The following ZC3H3 variants were observed in gnomAD, a reference collection of about 807,000 sequenced individuals.
ZC3H3 encodes zinc finger CCCH domain-containing protein 3.
Under a neutral mutation model 77.3 loss-of-function variants are expected in ZC3H3, and 36 were observed. That is an observed-to-expected ratio of 0.47 (90% CI 0.36 to 0.61). The LOEUF (loss-of-function observed/expected upper bound fraction) is 0.61. Among genes scored for constraint, ZC3H3 ranks in the 20% least tolerant of loss-of-function variants. ZC3H3 has a pLI of 0.00. For synonymous variants in ZC3H3, 626 were observed against 555.2 expected, an observed-to-expected ratio of 1.13 and a Z score of -1.79; for missense variants, 1,331 against 1,312.2, an observed-to-expected ratio of 1.01 and a Z score of -0.22.
At chr8:143,529,191 C>T (rs1822518365) in intron 3 of ZC3H3, among the ~76,000 whole-genome samples, 2 of 152,166 alleles carry the variant, frequency 1.3e-5, no homozygotes, top group Admixed American at 6.5e-5. Context: ...CGAGAGAAAG[C>T]GGTTGGGTTT....
intron 1 of ZC3H3, among the ~76,000 whole-genome samples, chr8:143,540,521 C>A (rs952504323): frequency 6.6e-6 from 1 of 152,168 alleles, no homozygotes; most frequent in South Asian, 2.1e-4. Context: ...TGGGCCACTG[C>A]GTCCGAACAT....
intron 4 of ZC3H3, among the ~76,000 whole-genome samples, chr8:143,479,107 A>G (rs527821526): frequency 6.6e-6 from 1 of 152,346 alleles, no homozygotes; most frequent in East Asian, 1.9e-4. Context: ...CATTCCGAGA[A>G]GCTGCATCCT....
intron 3 of ZC3H3, among the ~76,000 whole-genome samples, chr8:143,514,731 G>A (rs894471183): frequency 3.9e-5 from 6 of 152,204 alleles, no homozygotes; most frequent in Admixed American, 2.0e-4. Context: ...CCGCCTGGAC[G>A]TTCACCTGCG....
chr8:143,504,078 C>A (rs542853392), intron 4 of ZC3H3, among the ~76,000 whole-genome samples: 1 of 147,116 alleles, frequency 6.8e-6, no homozygotes, highest in South Asian at 2.2e-4. Context: ...CTCCTTCCCT[C>A]GGGCTGCAGG....
At chr8:143,478,663 A>C (rs538396222) in intron 4 of ZC3H3, among the ~76,000 whole-genome samples, 13 of 152,212 alleles carry the variant, frequency 8.5e-5, no homozygotes, top group East Asian at 7.7e-4. Flanking sequence ...GCATGTGCCA[A>C]CACGCCCGGC....
At chr8:143,448,339 T>C (rs1819909985) in intron 9 of ZC3H3, among the ~76,000 whole-genome samples, 1 of 151,678 alleles carries the variant, frequency 6.6e-6, no homozygotes, top group Admixed American at 6.6e-5. Context: ...AAGTCCTTTC[T>C]ACCTATGAAC....
intron 5 of ZC3H3, among the ~76,000 whole-genome samples, chr8:143,469,998 T>G (rs1389307472): frequency 2.0e-5 from 3 of 152,144 alleles, no homozygotes; most frequent in Non-Finnish European, 2.9e-5. Context: ...CAGCCCCAAA[T>G]AGCCAGACCT....
intron 3 of ZC3H3, among the ~76,000 whole-genome samples, chr8:143,510,082 CTGGCAGT>C: frequency 6.6e-6 from 1 of 152,352 alleles, no homozygotes; most frequent in Non-Finnish European, 1.5e-5. Flanking sequence ...CTGCGCAGTG[CTGGCAGT>C]GGTCAGGTCA....
At chr8:143,523,322 A>G (rs1822309602) in intron 3 of ZC3H3, 1 of 985,440 alleles carries the variant, frequency 1.0e-6, no homozygotes. Flanking sequence ...GCTCACCTGC[A>G]GCGCCAGCGG....
Position 143,460,763 on chromosome 8 carries a change from G to A in ZC3H3, c.2307+4954C>T, listed in dbSNP as rs557335025. 4.6e-4 allele frequency among the ~76,000 whole-genome samples: 70 copies of A among 152,268 alleles called. No homozygotes were observed. The highest frequency in any genetic ancestry group is 3.4e-3 in the Middle Eastern group (1 of 290). On this transcript the variant is annotated intron_variant, in intron 9 of 11. Transcript: ENST00000262577. This position sits in a 1 kb window ranked among gnomAD's most constrained non-coding sequence, Gnocchi z 4.0. ...GTGTGAACCCTGGAAACATTATGCC[G>A]GGTGAAAGATGCCAGACACCAAAGG...
chr8:143,492,742 C>T (rs112723465), intron 4 of ZC3H3, among the ~76,000 whole-genome samples: 6 of 99,428 alleles, frequency 6.0e-5, no homozygotes, highest in Non-Finnish European at 8.8e-5. Flanking sequence ...CCTCCTCAGG[C>T]TCCCGTGTCC....
chr8:143,520,963 G>A (rs1056308585), intron 3 of ZC3H3, among the ~76,000 whole-genome samples: 1 of 152,192 alleles, frequency 6.6e-6, no homozygotes, highest in Non-Finnish European at 1.5e-5. Context: ...AGGGGATCAG[G>A]CTTCATAGCA....
chr8:143,463,276 C>T (rs998670579), intron 9 of ZC3H3, among the ~76,000 whole-genome samples: 3 of 151,732 alleles, frequency 2.0e-5, no homozygotes, highest in East Asian at 1.9e-4. Context: ...TGAGCCACCG[C>T]GCCCGGCCCA....
intron 4 of ZC3H3, among the ~76,000 whole-genome samples, chr8:143,491,324 C>T (rs1563857815): frequency 6.6e-6 from 1 of 152,258 alleles, no homozygotes; most frequent in African/African-American, 2.4e-5. Context: ...CCCTGCGATG[C>T]CACTGCCGGC....
chr8:143,513,049 C>A (rs982352968), intron 3 of ZC3H3, among the ~76,000 whole-genome samples: 5 of 149,004 alleles, frequency 3.4e-5, no homozygotes, highest in South Asian at 4.3e-4. Context: ...GGTGCCCAGG[C>A]GCTGTGGGGA....
chr8:143,511,623 A>AT (rs1436615115), intron 3 of ZC3H3, among the ~76,000 whole-genome samples: 11 of 152,008 alleles, frequency 7.2e-5, no homozygotes, highest in Non-Finnish European at 1.2e-4. Flanking sequence ...TGCTGATGGG[A>AT]GGGTCCATCA....
intron 4 of ZC3H3, among the ~76,000 whole-genome samples, chr8:143,502,570 T>G (rs1821558410): frequency 6.6e-6 from 1 of 152,250 alleles, no homozygotes; most frequent in Non-Finnish European, 1.5e-5. Flanking sequence ...CAGGACCATT[T>G]GTAGTCAGAT....
At chr8:143,510,555 AGAAAGTCAGGC>A in intron 3 of ZC3H3, among the ~76,000 whole-genome samples, 1 of 152,334 alleles carries the variant, frequency 6.6e-6, no homozygotes, top group South Asian at 2.1e-4. Flanking sequence ...ACACGGACCC[AGAAAGTCAGGC>A]TGCAGGAAGG....
At chr8:143,489,756 G>A (rs1821150309) in intron 4 of ZC3H3, among the ~76,000 whole-genome samples, 1 of 152,182 alleles carries the variant, frequency 6.6e-6, no homozygotes, top group Non-Finnish European at 1.5e-5. Context: ...TTTTCCGGTG[G>A]AGGCTCCCAC....
Sources: allele counts gnomAD v4.1 joint callset (sites outside exome capture counted in the v4.1 genomes callset), GRCh38; gene constraint gnomAD v4.1.1; non-coding constraint Gnocchi (gnomAD v3.1); transcripts MANE v1.5; gene names NCBI Gene and HGNC (gene_info 2026-07-23, HGNC 2026-07-21).